RNASEH2B: variants seen among roughly 807,000 people sequenced by gnomAD.
RNASEH2B encodes Aicardi-Goutieres syndrome 2 protein.
Under a neutral mutation model 45.0 loss-of-function variants are expected in RNASEH2B, and 36 were observed. The ratio of observed to expected loss-of-function variants is 0.80; its 90% CI spans 0.61 to 1.06. RNASEH2B has a LOEUF of 1.06. Ranked by LOEUF, RNASEH2B falls within the 50% of genes least tolerant of loss-of-function variation. The pLI, the probability that RNASEH2B is intolerant of heterozygous loss-of-function variation, is 0.00. For missense variants in RNASEH2B, 361 were observed against 360.3 expected (o/e 1.00, Z -0.02); for synonymous variants, 119 against 125.7 (o/e 0.95, Z 0.35).
chr13:50,961,048 T>C (rs1952107133), downstream of RNASEH2B, among the ~76,000 whole-genome samples: 1 of 152,188 alleles, frequency 6.6e-6, no homozygotes, highest in Admixed American at 6.6e-5. Context: ...GTCATACTCT[T>C]AGGGCACCTC....
At chr13:50,950,596 TAG>T (rs1951964476) in intron 9 of RNASEH2B, 1 of 152,176 alleles carries the variant, frequency 6.6e-6, no homozygotes, top group Non-Finnish European at 1.5e-5. Flanking sequence ...CTAGAGGACC[TAG>T]AGAGGCACAG....
intron 7 of RNASEH2B, 61 bp downstream of exon 7, chr13:50,945,593 G>A: frequency 5.7e-6 from 6 of 1,061,154 alleles, no homozygotes; most frequent in Non-Finnish European, 8.8e-6. Context: ...ATGTGTAAAT[G>A]CCTATCTTAG....
intron 5 of RNASEH2B, among the ~76,000 whole-genome samples, chr13:50,939,662 G>C (rs1016564099): frequency 4.0e-5 from 6 of 151,850 alleles, no homozygotes; most frequent in Non-Finnish European, 7.4e-5. Flanking sequence ...AAAGTGTGAA[G>C]ATAATTCAGT....
chr13:50,958,935 AG>A (rs1952082714), downstream of RNASEH2B, among the ~76,000 whole-genome samples: 1 of 152,192 alleles, frequency 6.6e-6, no homozygotes, highest in Admixed American at 6.6e-5. Flanking sequence ...AAAGTTTATA[AG>A]CTTTTGCACT....
chr13:50,930,877 TGACTAGA>T (rs1421621631), intron 4 of RNASEH2B, 118 bp downstream of exon 4: 1 of 823,304 alleles, frequency 1.2e-6, no homozygotes, highest in Non-Finnish European at 2.1e-6. Flanking sequence ...TCTATTATAG[TGACTAGA>T]GAAAACATGA....
chr13:50,943,092 A>T, intron 5 of RNASEH2B: 10 of 434,960 alleles, frequency 2.3e-5, no homozygotes, highest in East Asian at 8.7e-5. Context: ...GTATAATTTG[A>T]AGGTTTTCTT....
intron 5 of RNASEH2B, chr13:50,937,619 A>T (rs1342869876): frequency 6.6e-6 from 1 of 152,230 alleles, no homozygotes; most frequent in Non-Finnish European, 1.5e-5. Context: ...TCTAAAAATT[A>T]AATATATAAA....
At chr13:50,946,728 A>G (rs1951904967) in intron 7 of RNASEH2B, among the ~76,000 whole-genome samples, 1 of 152,180 alleles carries the variant, frequency 6.6e-6, no homozygotes, top group Admixed American at 6.6e-5. Flanking sequence ...AGTACTCTAC[A>G]TATTAAGGTT....
At chr13:50,920,348 TG>T (rs1275403796) in intron 1 of RNASEH2B, among the ~76,000 whole-genome samples, 2 of 152,158 alleles carry the variant, frequency 1.3e-5, no homozygotes, top group East Asian at 1.9e-4. Context: ...GTGCCTAGCC[TG>T]TGGAAGCCCA....
chr13:50,943,150 A>G lies in RNASEH2B; in HGVS notation c.437-171A>G. 6.8e-6 allele frequency: 4 copies of G among 591,850 alleles called. No individual in the cohort carries two copies. The South Asian group carries it at 8.5e-5, about 13-fold the overall frequency. The allele number at this position is 591,850 out of a possible 1,614,324, so 36.7% of individuals were successfully genotyped here. On this transcript the variant is annotated intron_variant, in intron 5 of 10. Coordinates refer to ENST00000336617, the MANE Select transcript of RNASEH2B (RefSeq NM_024570.4). The stretch of plus-strand genomic sequence containing the variant: ...TGATGACTCCTGAGGTAGCCACATT[A>G]CTACTAACATTTAAAAAAACATTTC...
At chr13:50,959,540 G>C (rs1021682034), downstream of RNASEH2B, 2 of 151,960 alleles carry the variant, frequency 1.3e-5, no homozygotes, top group Non-Finnish European at 2.9e-5. Flanking sequence ...CACAACCTCC[G>C]CCTTCAGGGT....
At chr13:50,942,631 A>C (rs1196711348) in intron 5 of RNASEH2B, 1 of 152,296 alleles carries the variant, frequency 6.6e-6, no homozygotes, top group Non-Finnish European at 1.5e-5. Context: ...TTAGTATGCT[A>C]ATGTGAACAC....
chr13:50,956,292 G>C, intron 10 of RNASEH2B, 66 bp from the exon 11 acceptor site: 1 of 1,310,620 alleles, frequency 7.6e-7, no homozygotes, highest in Non-Finnish European at 1.1e-6. Flanking sequence ...AGTCTTCTTT[G>C]ATTTCCATAT....
At chr13:50,968,647 AT>A (rs1306487561) in intron 9 of RNASEH2B, among the ~76,000 whole-genome samples, 11 of 152,206 alleles carry the variant, frequency 7.2e-5, no homozygotes, top group African/African-American at 2.2e-4. Flanking sequence ...AAGGAAAAAA[AT>A]CACATTTATT....
chr13:50,926,787 A>T (rs1375518905), intron 1 of RNASEH2B, among the ~76,000 whole-genome samples: 1 of 151,960 alleles, frequency 6.6e-6, no homozygotes, highest in African/African-American at 2.4e-5. Context: ...AAGCAGGATT[A>T]AAAACATAGT....
intron 1 of RNASEH2B, among the ~76,000 whole-genome samples, chr13:50,914,352 C>T (rs929911694): frequency 6.6e-6 from 1 of 152,176 alleles, no homozygotes; most frequent in African/African-American, 2.4e-5. Flanking sequence ...TCCTTATTTT[C>T]AGAAGAGATG....
Position 50,943,311 on chromosome 13 carries a change from T to C in RNASEH2B, c.437-10T>C, listed in dbSNP as rs748494404. 1 of 1,510,178 alleles carries C rather than the reference T, an allele frequency of 6.6e-7. No individual in the cohort carries two copies. The highest frequency in any genetic ancestry group is 1.4e-5 in the African/African-American group (1 of 72,574). The allele number at this position is 1,510,178 out of a possible 1,614,324, so 93.5% of individuals were successfully genotyped here. On this transcript the variant is annotated splice_polypyrimidine_tract_variant and intron_variant, in intron 5 of 10. Transcript: ENST00000336617. Reference sequence around the variant, plus strand: ...TAATTCATTGTGCTGAGTCTTTTTTTTCTTTTAAGGTAATCCAGAAATAGA... The same window carrying C: ...TAATTCATTGTGCTGAGTCTTTTTTCTCTTTTAAGGTAATCCAGAAATAGA...
chr13:50,913,768 C>T (rs777825418), intron 1 of RNASEH2B, among the ~76,000 whole-genome samples: 23 of 152,110 alleles, frequency 1.5e-4, no homozygotes, highest in Non-Finnish European at 2.6e-4. Context: ...GGATGGGTTG[C>T]TTTTTGGGAG....
chr13:50,955,325 T>C (rs1952030706), intron 10 of RNASEH2B: 1 of 152,158 alleles, frequency 6.6e-6, no homozygotes, highest in South Asian at 2.1e-4. Flanking sequence ...GATAGTTCGA[T>C]TTAAGATCTG....
Sources: allele counts gnomAD v4.1 joint callset (sites outside exome capture counted in the v4.1 genomes callset), GRCh38; gene constraint gnomAD v4.1.1; transcripts MANE v1.5; gene names NCBI Gene and HGNC (gene_info 2026-07-23, HGNC 2026-07-21).